The following BNC2 variants were observed in gnomAD, a reference collection of about 807,000 sequenced individuals.
BNC2 encodes zinc finger protein basonuclin-2.
Under a neutral mutation model 76.3 loss-of-function variants are expected in BNC2, and 20 were observed. The ratio of observed to expected loss-of-function variants is 0.26; its 90% CI spans 0.18 to 0.38. The LOEUF is 0.38. Among genes scored for constraint, BNC2 ranks in the 10% least tolerant of loss-of-function variants. BNC2 has a pLI of 1.00. For missense variants in BNC2, 1,382 were observed against 1,399.8 expected, an observed-to-expected ratio of 0.99 and a Z score of 0.20; for synonymous variants, 582 against 514.8, an observed-to-expected ratio of 1.13 and a Z score of -1.77.
intron 5 of BNC2, among the ~76,000 whole-genome samples, chr9:16,489,216 G>A (rs1051600062): frequency 1.3e-5 from 2 of 152,116 alleles, no homozygotes; most frequent in African/African-American, 4.8e-5. Context: ...TTTGGTTTTT[G>A]TAATACATCT....
intron 1 of BNC2, among the ~76,000 whole-genome samples, chr9:16,794,431 G>A (rs947137312): frequency 6.6e-6 from 1 of 152,158 alleles, no homozygotes; most frequent in African/African-American, 2.4e-5. Context: ...GCCACCCCCA[G>A]CCACCTGGGA....
At chr9:16,655,915 A>C (rs2133992767) in intron 3 of BNC2, among the ~76,000 whole-genome samples, 1 of 152,206 alleles carries the variant, frequency 6.6e-6, no homozygotes, top group Middle Eastern at 3.4e-3. Context: ...AGATGTACTG[A>C]CCTCTGACAG....
chr9:16,441,165 G>C (rs1427430126), intron 5 of BNC2, among the ~76,000 whole-genome samples: 2 of 152,160 alleles, frequency 1.3e-5, no homozygotes, highest in Non-Finnish European at 2.9e-5. Context: ...CTAGCCAAGT[G>C]TGGTGGTCCG....
rs1199033237 is a variant in BNC2 at position 16,413,925 on chromosome 9, T to C, written c.*5064A>G. The C allele has an allele frequency of 1.3e-5, 2 of 152,210 alleles. No individual in the cohort carries two copies. The highest frequency in any genetic ancestry group is 2.9e-5 in the Non-Finnish European group (2 of 68,036). 9.4% of individuals were successfully genotyped at this position (152,210 alleles called of 1,614,324 possible). On this transcript the variant is annotated 3_prime_UTR_variant, in exon 7 of 7. Coordinates refer to ENST00000380672, the MANE Select transcript of BNC2 (RefSeq NM_017637.6). ...TGAGTAATGATCAAGAAAGGAACGA[T>C]CCATGCTGGTGCCATTCGCACCTAC...
chr9:16,768,720 T>G (rs549457603), intron 1 of BNC2, among the ~76,000 whole-genome samples: 96 of 152,194 alleles, frequency 6.3e-4, no homozygotes, highest in African/African-American at 2.2e-3. Flanking sequence ...GAACTTTTAG[T>G]CTAATTGGAG....
chr9:16,493,231 A>C (rs181450910), intron 5 of BNC2, among the ~76,000 whole-genome samples: 1 of 152,304 alleles, frequency 6.6e-6, no homozygotes, highest in Admixed American at 6.5e-5. Flanking sequence ...AAGGTGCTCT[A>C]TCCATTTCCC....
rs560988906 is a variant in BNC2 at position 16,515,930 on chromosome 9, A to G, written c.669+36600T>C. On this transcript the variant is annotated intron_variant, in intron 5 of 6. Coordinates refer to ENST00000380672, the MANE Select transcript of BNC2 (RefSeq NM_017637.6). ...AAGATAATGGCAGTTTGAGAGGAAA[A>G]CACTTCCAAAAGGGAAAAAAAAAAA... Among the ~76,000 whole-genome samples the G allele has an allele frequency of 1.9e-4, 26 of 140,054 alleles. No homozygotes were observed. The East Asian group carries it at 4.9e-3, about 27-fold the overall frequency. 91.9% of individuals were successfully genotyped at this position (140,054 alleles called of 152,430 possible).
intron 3 of BNC2, among the ~76,000 whole-genome samples, chr9:16,634,068 C>A (rs2133774187): frequency 6.6e-6 from 1 of 152,316 alleles, no homozygotes; most frequent in African/African-American, 2.4e-5. Flanking sequence ...TGATTCCTAA[C>A]TAGTACTTCT....
At chr9:16,515,292 T>C (rs1303112644) in intron 5 of BNC2, among the ~76,000 whole-genome samples, 2 of 152,182 alleles carry the variant, frequency 1.3e-5, no homozygotes, top group African/African-American at 4.8e-5. Flanking sequence ...GAACACTGCA[T>C]CCCTGCGCCC....
In BNC2 at chr9:16,862,854, G is replaced by A. The variant is rs1271760896; in HGVS notation, c.3+7792C>T. 8.6e-5 allele frequency among the ~76,000 whole-genome samples: 13 copies of A among 151,804 alleles called. No individual in the cohort carries two copies. In the East Asian group the frequency reaches 2.3e-3, roughly 27 times the overall value. On this transcript the variant is annotated intron_variant, in intron 1 of 6. Coordinates refer to ENST00000380672, the MANE Select transcript of BNC2 (RefSeq NM_017637.6). ...TAAGACACTCATGCTTTTTCTGTGGGAAGGTCACCAGCCTTAGATGACCAC... is the reference window on the plus strand; with the variant it reads ...TAAGACACTCATGCTTTTTCTGTGGAAAGGTCACCAGCCTTAGATGACCAC...
chr9:16,532,708 A>C (rs904026368), intron 5 of BNC2, among the ~76,000 whole-genome samples: 1 of 152,238 alleles, frequency 6.6e-6, no homozygotes, highest in East Asian at 1.9e-4. Flanking sequence ...TTTTACTATT[A>C]TCTATGTTCT....
intron 5 of BNC2, among the ~76,000 whole-genome samples, chr9:16,501,649 C>G (rs972907868): frequency 1.3e-5 from 2 of 152,126 alleles, no homozygotes; most frequent in Non-Finnish European, 2.9e-5. Flanking sequence ...GTTCACTTAT[C>G]CTGAGATACA....
At position 16,487,953 on chromosome 9, in the gene BNC2, G is replaced by C. The variant is rs373862338; in HGVS notation, c.670-50429C>G. Among the ~76,000 whole-genome samples the C allele has an allele frequency of 3.9e-5, 6 of 152,302 alleles. No individual in the cohort carries two copies. The East Asian group carries it at 1.2e-3, about 29-fold the overall frequency. On this transcript the variant is annotated intron_variant, in intron 5 of 6. Coordinates refer to ENST00000380672, the MANE Select transcript of BNC2 (RefSeq NM_017637.6). ...CAGGACAAGATTTAAGTTTAGAAGA[G>C]AGGGCTCAATCCCGGAAAATATTCA...
chr9:16,739,809 G>A (rs577857094), intron 1 of BNC2, among the ~76,000 whole-genome samples: 1 of 152,296 alleles, frequency 6.6e-6, no homozygotes, highest in East Asian at 1.9e-4. Context: ...TGTCAACAAT[G>A]ACACTAAAGT....
chr9:16,650,086 A>C (rs1821750210), intron 3 of BNC2, among the ~76,000 whole-genome samples: 1 of 152,216 alleles, frequency 6.6e-6, no homozygotes, highest in Admixed American at 6.5e-5. Flanking sequence ...CCAAGAAAGC[A>C]AAAATGGAGA....
intron 6 of BNC2, among the ~76,000 whole-genome samples, chr9:16,420,697 ATT>A (rs952219643): frequency 7.1e-6 from 1 of 140,050 alleles, no homozygotes. Flanking sequence ...ACATATACAT[ATT>A]TTTTTACATA....
In BNC2 at chr9:16,866,972, G is replaced by A. The variant is rs538225046; in HGVS notation, c.3+3674C>T. Among the ~76,000 whole-genome samples, 27 of 152,268 alleles carry A rather than the reference G, an allele frequency of 1.8e-4. No homozygotes were observed. The East Asian group carries it at 4.8e-3, about 27-fold the overall frequency. ...ATGAGACCATCTGCTGAGTAAATCA[G>A]AAAGCGTTGCTCCTTATATATTTAT... is the stretch of plus-strand genomic sequence containing the variant. On this transcript the variant is annotated intron_variant, in intron 1 of 6. Coordinates refer to ENST00000380672, the MANE Select transcript of BNC2 (RefSeq NM_017637.6).
chr9:16,671,521 G>A (rs13285301), intron 3 of BNC2, among the ~76,000 whole-genome samples: 5 of 152,016 alleles, frequency 3.3e-5, no homozygotes, highest in African/African-American at 7.2e-5. Context: ...CCTTTACCAC[G>A]AGGGGTTCTG....
intron 4 of BNC2, among the ~76,000 whole-genome samples, chr9:16,556,838 G>A (rs1210647224): frequency 6.6e-6 from 1 of 151,678 alleles, no homozygotes; most frequent in East Asian, 1.9e-4. Context: ...ATTATGATCT[G>A]TCAAATTTCT....
Sources: gnomAD v4.1 joint callset for allele counts (sites outside exome capture counted in the v4.1 genomes callset) on GRCh38, gnomAD v4.1.1 for gene constraint, MANE v1.5 for transcripts, NCBI Gene and HGNC (gene_info 2026-07-23, HGNC 2026-07-21) for gene names.